PIP5K1C: variants seen among roughly 807,000 people sequenced by gnomAD.
PIP5K1C encodes phosphatidylinositol-4-phosphate 5-kinase type 1 gamma.
In PIP5K1C, 45 loss-of-function variants were observed where a neutral mutation model predicts 80.1. The ratio of observed to expected loss-of-function variants is 0.56; its 90% CI spans 0.44 to 0.72. PIP5K1C has a LOEUF of 0.72. Ranked by LOEUF, PIP5K1C falls within the 30% of genes least tolerant of loss-of-function variation. The pLI, the probability that PIP5K1C is intolerant of heterozygous loss-of-function variation, is 0.00. For synonymous variants in PIP5K1C, 498 were observed against 420.1 expected (o/e 1.19, Z -2.27); for missense variants, 753 against 954.6 (o/e 0.79, Z 2.78).
intron 8 of PIP5K1C, among the ~76,000 whole-genome samples, chr19:3,650,764 T>G (rs557537273): frequency 1.3e-5 from 2 of 152,318 alleles, no homozygotes; most frequent in African/African-American, 4.8e-5. Context: ...AGCCACTTTT[T>G]TTTTCTTTTT....
intron 1 of PIP5K1C, among the ~76,000 whole-genome samples, chr19:3,689,051 C>G (rs1210177415): frequency 6.6e-6 from 1 of 152,142 alleles, no homozygotes; most frequent in African/African-American, 2.4e-5. Context: ...TAGGATCTCA[C>G]TCTGTCGCCC....
chr19:3,640,999 T>C (rs2033937993), intron 15 of PIP5K1C, among the ~76,000 whole-genome samples: 1 of 152,012 alleles, frequency 6.6e-6, no homozygotes, highest in Non-Finnish European at 1.5e-5. Context: ...GGTCAGGAGT[T>C]TGAGACCAAG....
chr19:3,632,843 T>G lies in PIP5K1C; in HGVS notation c.*324A>C. The G allele has an allele frequency of 1.2e-4, 40 of 346,820 alleles. No homozygotes were observed. Among genetic ancestry groups the G allele is most frequent in the East Asian group, 2.4e-4 (4 of 16,710 alleles). 21.5% of individuals were successfully genotyped at this position (346,820 alleles called of 1,614,324 possible). A position where few individuals can be genotyped will look rare whatever the true frequency, so the allele number is the denominator to read the frequency against. Reference sequence around the variant, plus strand: ...TGGGCAGGGGCTCTTCTCCCTCTGGTTGGTTTGTTTGTGTCTTTTTTGTTC... The same window carrying G: ...TGGGCAGGGGCTCTTCTCCCTCTGGGTGGTTTGTTTGTGTCTTTTTTGTTC... On this transcript the variant is annotated 3_prime_UTR_variant, in exon 18 of 18. Transcript: ENST00000335312.
chr19:3,664,876 C>T lies in PIP5K1C; in HGVS notation c.165G>A (p.Gly55=), dbSNP rs958845534. The T allele has an allele frequency of 2.5e-6, 4 of 1,613,190 alleles. No individual in the cohort carries two copies. The African/African-American group carries it at 4.0e-5, about 16-fold the overall frequency. ...SMTAQPGPGH[G]KKLGHRGVDA... ...CCACACCTCGATGGCCCAACTTCTT[C>T]CCATGGCCAGGGCCCGGCTGTGCCG... The change falls in exon 3 of 18, where the codon GGG becomes GGA. Residue 55 remains glycine (G), a synonymous_variant. Transcript: ENST00000335312.
At position 3,638,887 on chromosome 19, in the gene PIP5K1C, G is replaced by A. The variant is rs1318874746; in HGVS notation, c.1917C>T (p.Tyr639=). 4 of 1,613,126 alleles carry A rather than the reference G, an allele frequency of 2.5e-6. No individual in the cohort carries two copies. The East Asian group carries it at 6.7e-5, about 27-fold the overall frequency. ...DEEDAPATDI[Y]FPTDERSWVY... is the part of the protein sequence containing the mutation. ...AGGAGGAGCCCGGGGCACTTACAAA[G>A]TAGATGTCGGTGGCGGGCGCGTCCT... Residue 639 remains tyrosine, a synonymous_variant, in exon 16 of 18, where the codon TAC becomes TAT. Coordinates refer to ENST00000335312, the MANE Select transcript of PIP5K1C (RefSeq NM_012398.3).
intron 16 of PIP5K1C, 61 bp from the exon 17 acceptor site, chr19:3,633,581 G>T: frequency 9.0e-7 from 1 of 1,110,086 alleles, no homozygotes; most frequent in South Asian, 2.4e-5. Context: ...AGGTGCAAGA[G>T]AGGCAGAGGG....
intron 1 of PIP5K1C, among the ~76,000 whole-genome samples, chr19:3,684,017 C>T (rs1265788095): frequency 6.6e-6 from 1 of 151,290 alleles, no homozygotes; most frequent in Non-Finnish European, 1.5e-5. Context: ...CCAGTGCTGA[C>T]TCTGTCTCTG....
At chr19:3,697,098 G>A (rs920390046) in intron 1 of PIP5K1C, among the ~76,000 whole-genome samples, 4 of 151,658 alleles carry the variant, frequency 2.6e-5, no homozygotes, top group Middle Eastern at 3.4e-3. Context: ...GCTGGACCGA[G>A]GAGGACCAAG....
chr19:3,654,499 T>C (rs1210975632), intron 6 of PIP5K1C, among the ~76,000 whole-genome samples: 3 of 152,158 alleles, frequency 2.0e-5, no homozygotes, highest in Admixed American at 2.0e-4. Context: ...GGCTGTGAGC[T>C]AAGAATGGTT....
At chr19:3,658,137 C>G (rs986529691) in intron 5 of PIP5K1C, among the ~76,000 whole-genome samples, 1 of 152,222 alleles carries the variant, frequency 6.6e-6, no homozygotes. Flanking sequence ...AGTCACCACC[C>G]CCGCCCTGCA....
At chr19:3,647,574 A>G (rs1386846531) in intron 9 of PIP5K1C, among the ~76,000 whole-genome samples, 188 bp from the exon 10 acceptor site, 1 of 152,148 alleles carries the variant, frequency 6.6e-6, no homozygotes, top group Non-Finnish European at 1.5e-5. Context: ...AGTACCCTGC[A>G]GGGCCCAGGA....
At chr19:3,689,796 CACAT>C (rs1198503637) in intron 1 of PIP5K1C, among the ~76,000 whole-genome samples, 2 of 152,112 alleles carry the variant, frequency 1.3e-5, no homozygotes, top group African/African-American at 2.4e-5. Context: ...CACACTAACT[CACAT>C]GCACTCTCAC....
rs2035974720 is a variant in PIP5K1C, at chr19:3,692,345, C to T, written c.94+7952G>A. 6.6e-6 allele frequency among the ~76,000 whole-genome samples: 1 copy of T among 152,192 alleles called. No individual in the cohort carries two copies. The highest frequency in any genetic ancestry group is 1.5e-5 in the Non-Finnish European group (1 of 68,018). On this transcript the variant is annotated intron_variant, in intron 1 of 17. Transcript: ENST00000335312. The surrounding 1 kb of genome is among the most constrained non-coding windows in gnomAD (Gnocchi z 5.2). Reference sequence around the variant, plus strand: ...CTCCCACCACGGCCCCCAACGCTCCCTACAGGGGCTCCTGGGGCCTCCCTC... The same window carrying T: ...CTCCCACCACGGCCCCCAACGCTCCTTACAGGGGCTCCTGGGGCCTCCCTC...
At position 3,665,769 on chromosome 19, in the gene PIP5K1C, C is replaced by T. The variant is rs538035205; in HGVS notation, c.127-855G>A. Reference sequence around the variant, plus strand: ...CCAGGGGGCCTCAGCTTGTTGCCCTCGAGGGAGGATGTGAGGAGGGGCCTT... The same window carrying T: ...CCAGGGGGCCTCAGCTTGTTGCCCTTGAGGGAGGATGTGAGGAGGGGCCTT... On this transcript the variant is annotated intron_variant, in intron 2 of 17. Transcript: ENST00000335312. Among the ~76,000 whole-genome samples, 8 of 152,186 alleles carry T rather than the reference C, an allele frequency of 5.3e-5. No individual in the cohort carries two copies. The East Asian group carries it at 7.8e-4, about 15-fold the overall frequency.
intron 15 of PIP5K1C, 63 bp downstream of exon 15, chr19:3,641,642 C>T: frequency 2.5e-6 from 3 of 1,215,750 alleles, no homozygotes; most frequent in Non-Finnish European, 2.4e-6. Context: ...CCTCGGGGTG[C>T]TCTTGGCTCC....
At chr19:3,674,899 T>C (rs2035311710) in intron 1 of PIP5K1C, among the ~76,000 whole-genome samples, 1 of 152,210 alleles carries the variant, frequency 6.6e-6, no homozygotes, top group East Asian at 1.9e-4. Context: ...AATCTGTACA[T>C]GGATTATTCA....
Position 3,678,927 on chromosome 19 carries a change from G to A in PIP5K1C, c.95-11574C>T, listed in dbSNP as rs575675959. Among the ~76,000 whole-genome samples the A allele has an allele frequency of 2.6e-4, 38 of 144,034 alleles. 1 individual carries two copies. The highest frequency in any genetic ancestry group is 9.6e-4 in the African/African-American group (37 of 38,580). The allele number at this position is 144,034 out of a possible 152,430, so 94.5% of individuals were successfully genotyped here. On this transcript the variant is annotated intron_variant, in intron 1 of 17. Transcript: ENST00000335312. ...ACGGAGGAAGGGATGGAGGGATGGA[G>A]GAGTGGAGGGAGGGATGGAGAATGG...
At chr19:3,668,274 G>T (rs532901939) in intron 1 of PIP5K1C, 1 of 152,346 alleles carries the variant, frequency 6.6e-6, no homozygotes, top group African/African-American at 2.4e-5. Context: ...CAGGGCCCTG[G>T]GGTCCTCATC....
At chr19:3,657,235 C>T (rs560347646) in intron 5 of PIP5K1C, among the ~76,000 whole-genome samples, 16 of 152,300 alleles carry the variant, frequency 1.1e-4, no homozygotes, top group Non-Finnish European at 1.5e-4. Context: ...TCTGCCCCCA[C>T]GCCCTCTCCT....
Sources: gnomAD v4.1 joint callset for allele counts (sites outside exome capture counted in the v4.1 genomes callset) on GRCh38, gnomAD v4.1.1 for gene constraint, Gnocchi (gnomAD v3.1) non-coding constraint, MANE v1.5 for transcripts, NCBI Gene and HGNC (gene_info 2026-07-23, HGNC 2026-07-21) for gene names.